The following DYNC2H1 variants were observed in gnomAD, a reference collection of about 807,000 sequenced individuals.
DYNC2H1 encodes cytoplasmic dynein 2 heavy chain 1.
Under a neutral mutation model 570.0 loss-of-function variants are expected in DYNC2H1, and 410 were observed. That is an observed-to-expected ratio of 0.72 (90% CI 0.66 to 0.78). DYNC2H1 has a LOEUF of 0.78. DYNC2H1 is among the 30% of genes least tolerant of loss of function. The probability of loss-of-function intolerance (pLI) is 0.00; values close to 1 mark genes in which losing one functional copy is unlikely to be tolerated. For missense variants in DYNC2H1, 4,865 were observed against 5,046.4 expected, an observed-to-expected ratio of 0.96 and a Z score of 1.09; for synonymous variants, 1,688 against 1,677.6, an observed-to-expected ratio of 1.01 and a Z score of -0.15.
At chr11:103,459,047 C>T (rs1944899283) in intron 87 of DYNC2H1, among the ~76,000 whole-genome samples, 1 of 151,736 alleles carries the variant, frequency 6.6e-6, no homozygotes, top group South Asian at 2.1e-4. Context: ...CGGTGGCTCA[C>T]GCCTGTAATC....
chr11:103,348,203 TTAAC>T (rs1327462857), intron 82 of DYNC2H1, among the ~76,000 whole-genome samples: 4 of 152,318 alleles, frequency 2.6e-5, no homozygotes, highest in African/African-American at 9.6e-5. Context: ...TAACCAGTGT[TTAAC>T]TGACCCTAGC....
At chr11:103,431,821 A>G (rs955722642) in intron 84 of DYNC2H1, among the ~76,000 whole-genome samples, 1 of 152,246 alleles carries the variant, frequency 6.6e-6, no homozygotes, top group East Asian at 1.9e-4. Flanking sequence ...AATATGGTGA[A>G]TGAGGCAAAA....
At chr11:103,355,904 C>T (rs958510375) in intron 82 of DYNC2H1, among the ~76,000 whole-genome samples, 1 of 152,028 alleles carries the variant, frequency 6.6e-6, no homozygotes, top group South Asian at 2.1e-4. Flanking sequence ...GAGAAGAGGT[C>T]CCAATATGTT....
At chr11:103,110,131 C>T (rs895787894) in intron 1 of DYNC2H1, among the ~76,000 whole-genome samples, 1 of 152,050 alleles carries the variant, frequency 6.6e-6, no homozygotes, top group East Asian at 1.9e-4. Context: ...TGAGTTCAAG[C>T]GATTCTCGTG....
chr11:103,170,034 A>G lies in DYNC2H1; in HGVS notation c.4969-74A>G, dbSNP rs1861505346. On this transcript the variant is annotated intron_variant, in intron 32 of 88. Coordinates refer to ENST00000375735, the MANE Select transcript of DYNC2H1 (RefSeq NM_001377.3). This position sits in a 1 kb window ranked among gnomAD's most constrained non-coding sequence, Gnocchi z 4.8. ...TTGCATTTTTATCTTTTTAACTACA[A>G]TCTCATGCTGTAAAAATATTTGTAA... is the stretch of plus-strand genomic sequence containing the variant. 7.6e-7 allele frequency: 1 copy of G among 1,317,938 alleles called. No individual in the cohort carries two copies. The highest frequency in any genetic ancestry group is 1.0e-6 in the Non-Finnish European group (1 of 988,940). 81.6% of individuals were successfully genotyped at this position (1,317,938 alleles called of 1,614,324 possible). A position where few individuals can be genotyped will look rare whatever the true frequency, so the allele number is the denominator to read the frequency against.
chr11:103,226,851 C>T (rs926538889), intron 59 of DYNC2H1, among the ~76,000 whole-genome samples: 3 of 151,210 alleles, frequency 2.0e-5, no homozygotes, highest in Non-Finnish European at 4.5e-5. Context: ...TTAAAATTAC[C>T]ATTTCAATCC....
At chr11:103,158,158 C>G (rs1860915902) in intron 26 of DYNC2H1, among the ~76,000 whole-genome samples, 3 of 152,144 alleles carry the variant, frequency 2.0e-5, no homozygotes. Context: ...TTAAAATTAG[C>G]TTAGCAAGGC....
intron 88 of DYNC2H1, among the ~76,000 whole-genome samples, chr11:103,470,680 C>T (rs1945349535): frequency 6.6e-6 from 1 of 152,096 alleles, no homozygotes; most frequent in Admixed American, 6.5e-5. Context: ...GTTTTATGTC[C>T]TTGCGATAGT....
At chr11:103,206,812 A>G (rs1300007809) in intron 52 of DYNC2H1, among the ~76,000 whole-genome samples, 7 of 152,192 alleles carry the variant, frequency 4.6e-5, no homozygotes, top group Non-Finnish European at 8.8e-5. Context: ...AATACGTTTC[A>G]GAAAGAATGA....
rs979669445 is a variant in DYNC2H1, at chr11:103,423,434, A to G, written c.12367-12509A>G. Reference sequence around the variant, plus strand: ...AAAAAAAAAAAAAAAAAAAAAAAAAAAAAACCCTGCAACTGTGTCTCCAAA... The same window carrying G: ...AAAAAAAAAAAAAAAAAAAAAAAAAGAAAACCCTGCAACTGTGTCTCCAAA... On this transcript the variant is annotated intron_variant, in intron 84 of 88. Coordinates refer to ENST00000375735, the MANE Select transcript of DYNC2H1 (RefSeq NM_001377.3). 7.0e-3 allele frequency among the ~76,000 whole-genome samples: 914 copies of G among 130,618 alleles called. 4 individuals are homozygous for G. The highest frequency in any genetic ancestry group is 0.028 in the South Asian group (109 of 3,878). 85.7% of individuals were successfully genotyped at this position (130,618 alleles called of 152,430 possible).
chr11:103,418,147 C>A (rs1265442509), intron 84 of DYNC2H1, among the ~76,000 whole-genome samples: 3 of 151,124 alleles, frequency 2.0e-5, no homozygotes, highest in African/African-American at 7.3e-5. Flanking sequence ...CACTTCTATT[C>A]AATGTTGCAC....
chr11:103,263,039 A>AAG (rs1565443013), intron 70 of DYNC2H1, among the ~76,000 whole-genome samples: 1 of 142,812 alleles, frequency 7.0e-6, no homozygotes, highest in African/African-American at 3.0e-5. Flanking sequence ...AAAAAAAAAA[A>AAG]AAAAAAAGCA....
chr11:103,377,815 T>A (rs1591650651), intron 83 of DYNC2H1, among the ~76,000 whole-genome samples: 1 of 152,198 alleles, frequency 6.6e-6, no homozygotes, highest in Admixed American at 6.5e-5. Context: ...CTGCTCATTA[T>A]ATCCTCCACC....
At chr11:103,419,553 G>A (rs560122631) in intron 84 of DYNC2H1, among the ~76,000 whole-genome samples, 9 of 151,692 alleles carry the variant, frequency 5.9e-5, no homozygotes, top group Non-Finnish European at 8.8e-5. Context: ...TTGTGGAAGG[G>A]TGGCCTGACT....
intron 31 of DYNC2H1, among the ~76,000 whole-genome samples, chr11:103,167,347 A>T (rs1861368611): frequency 6.6e-6 from 1 of 151,660 alleles, no homozygotes; most frequent in South Asian, 2.1e-4. Flanking sequence ...GGCTCACTGC[A>T]GCCTTGACCT....
At chr11:103,350,082 A>T (rs1591616441) in intron 82 of DYNC2H1, among the ~76,000 whole-genome samples, 1 of 152,126 alleles carries the variant, frequency 6.6e-6, no homozygotes, top group East Asian at 1.9e-4. Context: ...ATGGTTTGAT[A>T]CATCTTGATG....
chr11:103,433,005 C>A (rs574040980), intron 84 of DYNC2H1, among the ~76,000 whole-genome samples: 4 of 152,144 alleles, frequency 2.6e-5, no homozygotes, highest in Non-Finnish European at 5.9e-5. Context: ...TGTTTTTTCC[C>A]TCTAAACTCC....
intron 18 of DYNC2H1, among the ~76,000 whole-genome samples, chr11:103,144,181 A>G (rs1225993590): frequency 6.6e-6 from 1 of 152,224 alleles, no homozygotes; most frequent in Non-Finnish European, 1.5e-5. Context: ...CTCTGGAGTT[A>G]GGCAGCTGTT....
intron 50 of DYNC2H1, 69 bp downstream of exon 50, chr11:103,200,223 T>C: frequency 8.4e-7 from 1 of 1,186,418 alleles, no homozygotes; most frequent in Non-Finnish European, 1.2e-6. Flanking sequence ...TAAAATTATC[T>C]TGTGCAAAAT....
Sources: gnomAD v4.1 joint callset for allele counts (sites outside exome capture counted in the v4.1 genomes callset) on GRCh38, gnomAD v4.1.1 for gene constraint, Gnocchi (gnomAD v3.1) non-coding constraint, MANE v1.5 for transcripts, NCBI Gene and HGNC (gene_info 2026-07-23, HGNC 2026-07-21) for gene names.